Variants in RTN1 observed in about 807,000 individuals in gnomAD.
The protein encoded by RTN1 is reticulon 1.
In RTN1, 25 loss-of-function variants were observed where a neutral mutation model predicts 65.5. The observed-to-expected ratio is 0.38, with a 90% CI of 0.28 to 0.53. The LOEUF is 0.53. Ranked by LOEUF, RTN1 falls within the 20% of genes least tolerant of loss-of-function variation. RTN1 has a pLI of 0.79. For missense variants in RTN1, 983 were observed against 1,025.4 expected, an observed-to-expected ratio of 0.96 and a Z score of 0.57; for synonymous variants, 471 against 447.6, an observed-to-expected ratio of 1.05 and a Z score of -0.66.
intron 3 of RTN1, among the ~76,000 whole-genome samples, chr14:59,661,825 C>T (rs902345635): frequency 1.7e-4 from 26 of 152,308 alleles, no homozygotes; most frequent in African/African-American, 5.8e-4. Context: ...GAAGCATTCC[C>T]TTTGAAAACT....
rs986100433 is a variant in RTN1 at position 59,816,582 on chromosome 14, C to T, written c.241+53808G>A. ...CAGGAAATCAGGCTGTGATCAACATCCAAGATAAAATTAAGATGGGGTTCA... is the reference window on the plus strand; with the variant it reads ...CAGGAAATCAGGCTGTGATCAACATTCAAGATAAAATTAAGATGGGGTTCA... On this transcript the variant is annotated intron_variant, in intron 1 of 8. Coordinates refer to ENST00000267484, the MANE Select transcript of RTN1 (RefSeq NM_021136.3). This position sits in a 1 kb window ranked among gnomAD's most constrained non-coding sequence, Gnocchi z 4.3. Among the ~76,000 whole-genome samples the T allele has an allele frequency of 1.3e-5, 2 of 152,044 alleles. No individual in the cohort carries two copies. The highest frequency in any genetic ancestry group is 4.8e-5 in the African/African-American group (2 of 41,380).
intron 1 of RTN1, among the ~76,000 whole-genome samples, chr14:59,809,736 T>C (rs1394744581): frequency 6.6e-6 from 1 of 152,150 alleles, no homozygotes; most frequent in Non-Finnish European, 1.5e-5. Context: ...TCTCCTACCT[T>C]GGGCCCACAC....
chr14:59,774,972 C>A lies in RTN1; in HGVS notation c.242-28491G>T, dbSNP rs1326771383. On this transcript the variant is annotated intron_variant, in intron 1 of 8. Coordinates refer to ENST00000267484, the MANE Select transcript of RTN1 (RefSeq NM_021136.3). The surrounding 1 kb of genome is among the most constrained non-coding windows in gnomAD (Gnocchi z 5.1). Reference sequence around the variant, plus strand: ...CAATAACAGACAGAAACCTCCTTTACATCTATGGCAGAGATGGCTTCCTAG... The same window carrying A: ...CAATAACAGACAGAAACCTCCTTTAAATCTATGGCAGAGATGGCTTCCTAG... Among the ~76,000 whole-genome samples the A allele has an allele frequency of 6.6e-6, 1 of 152,236 alleles. No individual in the cohort carries two copies. Among genetic ancestry groups the A allele is most frequent in the Non-Finnish European group, 1.5e-5 (1 of 68,046 alleles).
At chr14:59,773,489 T>C (rs1885995780) in intron 1 of RTN1, among the ~76,000 whole-genome samples, 1 of 152,192 alleles carries the variant, frequency 6.6e-6, no homozygotes, top group Non-Finnish European at 1.5e-5. Flanking sequence ...AGACAGAACT[T>C]ATTTTTAACC....
Position 59,749,537 on chromosome 14 carries a change from CTA to C in RTN1, c.242-3058_242-3057del, listed in dbSNP as rs1231325510. Among the ~76,000 whole-genome samples the C allele has an allele frequency of 1.2e-4, 5 of 40,182 alleles. 2 individuals carry two copies. Among genetic ancestry groups the C allele is most frequent in the African/African-American group, 3.6e-4 (2 of 5,490 alleles). 26.4% of individuals were successfully genotyped at this position (40,182 alleles called of 152,430 possible). On this transcript the variant is annotated intron_variant, in intron 1 of 8. Coordinates refer to ENST00000267484, the MANE Select transcript of RTN1 (RefSeq NM_021136.3). ...TATCTATATATTTATATATATCTATCTATATATATTTATATAGATATCTATAT... is the reference window on the plus strand; with the variant it reads ...TATCTATATATTTATATATATCTATCTATATATTTATATAGATATCTATAT...
At chr14:59,764,310 T>C (rs1594731646) in intron 1 of RTN1, among the ~76,000 whole-genome samples, 2 of 152,036 alleles carry the variant, frequency 1.3e-5, no homozygotes, top group East Asian at 3.9e-4. Context: ...TCAAATGCAT[T>C]TGTGAAGTGC....
chr14:59,810,913 C>T lies in RTN1; in HGVS notation c.241+59477G>A, dbSNP rs1403958674. Among the ~76,000 whole-genome samples, 5 of 152,182 alleles carry T rather than the reference C, an allele frequency of 3.3e-5. No individual in the cohort carries two copies. The East Asian group carries it at 5.8e-4, about 18-fold the overall frequency. On this transcript the variant is annotated intron_variant, in intron 1 of 8. Coordinates refer to ENST00000267484, the MANE Select transcript of RTN1 (RefSeq NM_021136.3). ...TAGGTAGAGGCCAGATCCTAGAGAC[C>T]CTTTATTACAGGACCCTGGATTGTA...
At chr14:59,810,230 T>C (rs887364432) in intron 1 of RTN1, among the ~76,000 whole-genome samples, 11 of 152,310 alleles carry the variant, frequency 7.2e-5, no homozygotes, top group Admixed American at 5.9e-4. Flanking sequence ...TATGATAATG[T>C]TTCTCTCTGA....
chr14:59,614,658 T>C (rs1396539178), intron 3 of RTN1, among the ~76,000 whole-genome samples: 2 of 152,202 alleles, frequency 1.3e-5, no homozygotes, highest in Non-Finnish European at 2.9e-5. Flanking sequence ...AGCTGTTTCT[T>C]TGACTTTTGA....
intron 3 of RTN1, among the ~76,000 whole-genome samples, chr14:59,700,989 G>C (rs1187329372): frequency 6.6e-6 from 1 of 152,022 alleles, no homozygotes; most frequent in Non-Finnish European, 1.5e-5. Flanking sequence ...AATGTACCTA[G>C]AACATACAAA....
intron 1 of RTN1, among the ~76,000 whole-genome samples, chr14:59,772,186 G>GT (rs1885971734): frequency 6.6e-6 from 1 of 152,038 alleles, no homozygotes; most frequent in Non-Finnish European, 1.5e-5. Flanking sequence ...AAATCTGTTT[G>GT]TTTTTATATA....
intron 1 of RTN1, among the ~76,000 whole-genome samples, chr14:59,793,550 ATGTG>A (rs962575624): frequency 1.3e-5 from 2 of 151,874 alleles, no homozygotes; most frequent in African/African-American, 4.8e-5. Flanking sequence ...AAGTATGTGT[ATGTG>A]TGTGTTTCAT....
At chr14:59,840,512 C>A (rs895248866) in intron 1 of RTN1, among the ~76,000 whole-genome samples, 2 of 152,112 alleles carry the variant, frequency 1.3e-5, no homozygotes, top group African/African-American at 2.4e-5. Flanking sequence ...AAGTATCTAC[C>A]ACGTATGGTT....
At chr14:59,698,310 C>T (rs1175897533) in intron 3 of RTN1, among the ~76,000 whole-genome samples, 1 of 152,120 alleles carries the variant, frequency 6.6e-6, no homozygotes, top group African/African-American at 2.4e-5. Flanking sequence ...AAATAGGTAA[C>T]ATCATAATCA....
intron 1 of RTN1, among the ~76,000 whole-genome samples, chr14:59,809,841 G>C (rs775366767): frequency 3.0e-4 from 45 of 152,072 alleles, no homozygotes; most frequent in Non-Finnish European, 2.2e-4. Context: ...GAGTGTTTCA[G>C]GCCGATTTTT....
At chr14:59,749,186 A>C (rs1290510778) in intron 1 of RTN1, among the ~76,000 whole-genome samples, 1 of 79,296 alleles carries the variant, frequency 1.3e-5, no homozygotes, top group Non-Finnish European at 2.3e-5. Flanking sequence ...CTATATATCT[A>C]TCTATATATA....
chr14:59,713,786 A>C (rs1460629956), intron 3 of RTN1, among the ~76,000 whole-genome samples: 1 of 152,206 alleles, frequency 6.6e-6, no homozygotes, highest in Non-Finnish European at 1.5e-5. Context: ...AAGAAGCAAT[A>C]AAACATCTTG....
At chr14:59,823,950 T>G (rs775161489) in intron 1 of RTN1, among the ~76,000 whole-genome samples, 2 of 152,194 alleles carry the variant, frequency 1.3e-5, no homozygotes, top group Non-Finnish European at 2.9e-5. Context: ...TCTCAGAGAT[T>G]TTGTTCATTT....
At position 59,803,427 on chromosome 14, in the gene RTN1, T is replaced by C. The variant is rs940524473; in HGVS notation, c.242-56946A>G. On this transcript the variant is annotated intron_variant, in intron 1 of 8. Transcript: ENST00000267484. The surrounding 1 kb of genome is among the most constrained non-coding windows in gnomAD (Gnocchi z 5.6). ...TCCCTCAAAAGCCAAGTCTCCACAG[T>C]CAAAGCAAAGAATTAGGGCAACTAT... Among the ~76,000 whole-genome samples, 2 of 152,072 alleles carry C rather than the reference T, an allele frequency of 1.3e-5. No homozygotes were observed. Among genetic ancestry groups the C allele is most frequent in the African/African-American group, 4.8e-5 (2 of 41,410 alleles).
Sources: gnomAD v4.1 joint callset for allele counts (sites outside exome capture counted in the v4.1 genomes callset) on GRCh38, gnomAD v4.1.1 for gene constraint, Gnocchi (gnomAD v3.1) non-coding constraint, MANE v1.5 for transcripts, NCBI Gene and HGNC (gene_info 2026-07-23, HGNC 2026-07-21) for gene names.